Variants in COP1 observed in about 807,000 individuals in gnomAD.
The protein encoded by COP1 is COP1 E3 ubiquitin ligase, also known as E3 ubiquitin-protein ligase COP1.
Under a neutral mutation model 101.3 loss-of-function variants are expected in COP1, and 24 were observed. The observed-to-expected ratio is 0.24, with a 90% CI of 0.17 to 0.33. The LOEUF is 0.33. COP1 is among the 10% of genes least tolerant of loss of function. The probability of loss-of-function intolerance (pLI) is 1.00; values close to 1 mark genes in which losing one functional copy is unlikely to be tolerated. For synonymous variants in COP1, 347 were observed against 341.9 expected (o/e 1.01, Z -0.17); for missense variants, 663 against 906.2 (o/e 0.73, Z 3.45).
rs1191943797 is a variant in COP1 at position 176,206,910 on chromosome 1, C to G, written c.69G>C (p.Ser23=). Residue 23 remains serine, a synonymous_variant, in exon 1 of 20, where the codon TCG becomes TCC. Transcript: ENST00000367669. ...ATAAAGACGAGGAGGCGGAAGTCAC[C>G]GAGGAGGCCGCCGAGGACCCGGGGC... is the stretch of plus-strand genomic sequence containing the variant. ...GTSPGSSAAS[S]VTSASSSLSS... 1 of 1,465,206 alleles carries G rather than the reference C, an allele frequency of 6.8e-7. No homozygotes were observed. The highest frequency in any genetic ancestry group is 9.0e-7 in the Non-Finnish European group (1 of 1,114,178). The allele number at this position is 1,465,206 out of a possible 1,614,324, so 90.8% of individuals were successfully genotyped here.
intron 1 of COP1, among the ~76,000 whole-genome samples, chr1:176,193,274 G>A (rs1381028323): frequency 6.6e-6 from 1 of 152,088 alleles, no homozygotes; most frequent in African/African-American, 2.4e-5. Context: ...GGAAAACAAC[G>A]TGTTGACAAG....
chr1:176,192,410 T>C (rs1388063804), intron 1 of COP1, among the ~76,000 whole-genome samples: 1 of 152,164 alleles, frequency 6.6e-6, no homozygotes. Flanking sequence ...TCTTCACTAG[T>C]GCTCCACCAT....
chr1:176,062,063 A>G (rs771383785), intron 11 of COP1, among the ~76,000 whole-genome samples: 1 of 152,138 alleles, frequency 6.6e-6, no homozygotes, highest in Non-Finnish European at 1.5e-5. Context: ...GCAGTGGTGC[A>G]ATCTGGGCTC....
intron 18 of COP1, among the ~76,000 whole-genome samples, chr1:175,983,709 T>C (rs1656425724): frequency 6.6e-6 from 1 of 152,184 alleles, no homozygotes; most frequent in Admixed American, 6.5e-5. Context: ...ACTTGTTCAA[T>C]GGCTTTGACC....
Position 176,010,564 on chromosome 1 carries a change from T to G in COP1, c.1729+17008A>C, listed in dbSNP as rs962196780. Among the ~76,000 whole-genome samples, 17 of 152,238 alleles carry G rather than the reference T, an allele frequency of 1.1e-4. 1 individual carries two copies. Among genetic ancestry groups the G allele is most frequent in the Admixed American group, 1.0e-3 (16 of 15,276 alleles). Reference sequence around the variant, plus strand: ...CTTATTATGTTCAAATTAAATGTTTTTGGCACAAATACTATAAAGGTGATG... The same window carrying G: ...CTTATTATGTTCAAATTAAATGTTTGTGGCACAAATACTATAAAGGTGATG... On this transcript the variant is annotated intron_variant, in intron 15 of 19. Transcript: ENST00000367669.
In COP1 at chr1:175,997,585, G is replaced by A. The variant is rs180915061; in HGVS notation, c.1730-8106C>T. ...CAAACAACCCCATGAAAAAGTGGGC[G>A]AAGGGAATGAACAGACACTTCTCAA... On this transcript the variant is annotated intron_variant, in intron 15 of 19. Transcript: ENST00000367669. Among the ~76,000 whole-genome samples, 616 of 152,148 alleles carry A rather than the reference G, an allele frequency of 4.0e-3. 8 individuals carry two copies. The highest frequency in any genetic ancestry group is 0.014 in the African/African-American group (582 of 41,460).
chr1:176,149,897 C>T (rs902767411), intron 5 of COP1, among the ~76,000 whole-genome samples: 7 of 151,900 alleles, frequency 4.6e-5, no homozygotes, highest in Non-Finnish European at 7.4e-5. Context: ...TTCTTATATA[C>T]TTGAAAGGGA....
chr1:176,095,808 T>C (rs1267722456), intron 9 of COP1, among the ~76,000 whole-genome samples: 1 of 152,002 alleles, frequency 6.6e-6, no homozygotes. Context: ...CAGCACCAAA[T>C]CCGACTGGTA....
chr1:175,983,939 G>C (rs932761628), intron 18 of COP1, among the ~76,000 whole-genome samples: 1 of 152,214 alleles, frequency 6.6e-6, no homozygotes, highest in Admixed American at 6.5e-5. Flanking sequence ...AAGCATACAA[G>C]AGGTGACCTG....
intron 1 of COP1, among the ~76,000 whole-genome samples, chr1:176,192,724 A>G (rs746674027): frequency 2.0e-5 from 3 of 152,154 alleles, no homozygotes; most frequent in Non-Finnish European, 2.9e-5. Context: ...AAAAACAGGA[A>G]TTTCTATTAC....
At position 176,124,900 on chromosome 1, in the gene COP1, C is replaced by T. The variant is rs573376945; in HGVS notation, c.969-8219G>A. 2.0e-5 allele frequency among the ~76,000 whole-genome samples: 3 copies of T among 152,310 alleles called. No individual in the cohort carries two copies. In the South Asian group the frequency reaches 6.2e-4, roughly 32 times the overall value. ...TTCCCACCAGCACCATACAAGGGTT[C>T]CCTTTTCTCCACATCTTCACTAGCA... On this transcript the variant is annotated intron_variant, in intron 8 of 19. Coordinates refer to ENST00000367669, the MANE Select transcript of COP1 (RefSeq NM_022457.7).
Position 176,037,009 on chromosome 1 carries a change from C to T in COP1, c.1612+6177G>A, listed in dbSNP as rs182057061. ...GAAGAGACAGATAAGTTTATTAGTT[C>T]GAAATCTACTAAGGAAATTAAATTC... On this transcript the variant is annotated intron_variant, in intron 14 of 19. Coordinates refer to ENST00000367669, the MANE Select transcript of COP1 (RefSeq NM_022457.7). Among the ~76,000 whole-genome samples, 306 of 152,150 alleles carry T rather than the reference C, an allele frequency of 2.0e-3. 2 individuals carry two copies. Among genetic ancestry groups the T allele is most frequent in the African/African-American group, 7.0e-3 (290 of 41,496 alleles).
At chr1:176,200,433 A>G (rs959434533) in intron 1 of COP1, among the ~76,000 whole-genome samples, 4 of 152,148 alleles carry the variant, frequency 2.6e-5, no homozygotes, top group Non-Finnish European at 5.9e-5. Context: ...AATTAATACT[A>G]AAGACAGAGG....
At chr1:176,008,451 A>G (rs1262690286) in intron 15 of COP1, among the ~76,000 whole-genome samples, 1 of 152,238 alleles carries the variant, frequency 6.6e-6, no homozygotes, top group Non-Finnish European at 1.5e-5. Flanking sequence ...TTTCAACAAC[A>G]GAATTATTTG....
chr1:176,196,830 C>T (rs1273934770), intron 1 of COP1, among the ~76,000 whole-genome samples: 1 of 151,270 alleles, frequency 6.6e-6, no homozygotes, highest in Non-Finnish European at 1.5e-5. Flanking sequence ...TCACTTGAGC[C>T]CAGGAGCTCA....
At chr1:176,003,896 T>C (rs906650102) in intron 15 of COP1, among the ~76,000 whole-genome samples, 19 of 152,236 alleles carry the variant, frequency 1.2e-4, no homozygotes, top group Non-Finnish European at 2.4e-4. Context: ...AGAAAGGCGT[T>C]GGTAGCTTGA....
At chr1:176,191,713 C>T (rs1699133734) in intron 1 of COP1, among the ~76,000 whole-genome samples, 1 of 152,078 alleles carries the variant, frequency 6.6e-6, no homozygotes, top group South Asian at 2.1e-4. Context: ...CACTCTTTCC[C>T]AGTTCCATTT....
chr1:176,043,949 C>T lies in COP1; in HGVS notation c.1422-131G>A, dbSNP rs190861685. Reference sequence around the variant, plus strand: ...CTATCAGTTCACAATCATTATTCTGCCCACAACATACCTGGGAAAAGACAT... The same window carrying T: ...CTATCAGTTCACAATCATTATTCTGTCCACAACATACCTGGGAAAAGACAT... On this transcript the variant is annotated intron_variant, in intron 12 of 19. Transcript: ENST00000367669. 1.2e-3 allele frequency: 713 copies of T among 608,140 alleles called. 2 individuals carry two copies. Among genetic ancestry groups the T allele is most frequent in the Non-Finnish European group, 9.8e-4 (330 of 336,820 alleles). 37.7% of individuals were successfully genotyped at this position (608,140 alleles called of 1,614,324 possible).
chr1:176,017,866 T>C (rs1163751708), intron 15 of COP1, among the ~76,000 whole-genome samples: 1 of 152,152 alleles, frequency 6.6e-6, no homozygotes, highest in Non-Finnish European at 1.5e-5. Flanking sequence ...CATTTTTTAC[T>C]TCCTTTAAGC....
Sources: allele counts gnomAD v4.1 joint callset (sites outside exome capture counted in the v4.1 genomes callset), GRCh38; gene constraint gnomAD v4.1.1; transcripts MANE v1.5; gene names NCBI Gene and HGNC (gene_info 2026-07-23, HGNC 2026-07-21).